Variants in BCL9L observed in about 807,000 individuals in gnomAD.
The protein encoded by BCL9L is B-cell CLL/lymphoma 9-like protein.
BCL9L carries 19 observed loss-of-function variants against 99.4 expected under a neutral mutation model. That is an observed-to-expected ratio of 0.19 (90% CI 0.13 to 0.28). The LOEUF (loss-of-function observed/expected upper bound fraction) is 0.28, where lower values mean the gene tolerates loss of function less well. BCL9L is among the 10% of genes least tolerant of loss of function. The pLI, the probability that BCL9L is intolerant of heterozygous loss-of-function variation, is 1.00. For missense variants in BCL9L, 2,023 were observed against 2,101.6 expected (o/e 0.96, Z 0.73); for synonymous variants, 900 against 854.8 (o/e 1.05, Z -0.92).
Position 118,902,544 on chromosome 11 carries a change from G to T in BCL9L, c.1199C>A (p.Ser400Tyr). 1 of 1,602,954 alleles carries T rather than the reference G, an allele frequency of 6.2e-7. No homozygotes were observed. The highest frequency in any genetic ancestry group is 1.1e-5 in the South Asian group (1 of 91,086). ...TTCCCGATGCTCCAGCTGCTCTTTG[G>T]ACAAGCCCTCTGAGCCCACCAGGCT... ...QRSLVGSEGLSKEQLEHRERS... is the reference protein window; with the variant it reads ...QRSLVGSEGLYKEQLEHRERS... Residue 400 changes from serine to tyrosine, a missense_variant, in exon 8 of 10, where the codon TCC (serine) becomes TAC (tyrosine). Ser to Tyr is a moderately radical substitution (Grantham distance 144). Coordinates refer to ENST00000683865, the MANE Select transcript of BCL9L (RefSeq NM_001378213.1). This position sits in a 1 kb window ranked among gnomAD's most constrained non-coding sequence, Gnocchi z 7.8.
intron 1 of BCL9L, among the ~76,000 whole-genome samples, chr11:118,919,239 A>C: frequency 6.6e-6 from 1 of 151,158 alleles, no homozygotes; most frequent in Non-Finnish European, 1.5e-5. Flanking sequence ...GGAGAGGCAG[A>C]GGACTCCCAT....
chr11:118,912,149 C>T (rs563792768), intron 2 of BCL9L, among the ~76,000 whole-genome samples: 18 of 152,244 alleles, frequency 1.2e-4, no homozygotes, highest in Non-Finnish European at 1.6e-4. Context: ...GACCCCTCCT[C>T]CTCCACACAC....
intron 1 of BCL9L, among the ~76,000 whole-genome samples, chr11:118,924,013 C>A (rs936622167): frequency 6.6e-6 from 1 of 152,144 alleles, no homozygotes; most frequent in African/African-American, 2.4e-5. Flanking sequence ...GTAGCCCGGC[C>A]CATGCTGAGA....
rs776337779 is a variant in BCL9L, at chr11:118,922,765, C to T, written c.-131+2473G>A. Among the ~76,000 whole-genome samples the T allele has an allele frequency of 2.0e-5, 3 of 152,158 alleles. No individual in the cohort carries two copies. Among genetic ancestry groups the T allele is most frequent in the Non-Finnish European group, 2.9e-5 (2 of 68,016 alleles). ...ACAAGGAAGGAAGGGATGCCATTCC[C>T]CTGTCACCCCTGGGTGCCCAGGCTC... On this transcript the variant is annotated intron_variant, in intron 1 of 9. Transcript: ENST00000683865. The surrounding 1 kb of genome is among the most constrained non-coding windows in gnomAD (Gnocchi z 6.2).
In BCL9L at chr11:118,898,294, G is replaced by GGCCCCCA; in HGVS notation, c.*120_*121insTGGGGGC. On this transcript the variant is annotated 3_prime_UTR_variant, in exon 10 of 10. Transcript: ENST00000683865. ...TCCACAAATGCCACTCCCTACACAAGCCCCCTCCCACCCCCTCCACCCCAC... is the reference window on the plus strand; with the variant it reads ...TCCACAAATGCCACTCCCTACACAAGGCCCCCACCCCCTCCCACCCCCTCCACCCCAC... 2 of 452,312 alleles carry GGCCCCCA rather than the reference G, an allele frequency of 4.4e-6. No individual in the cohort carries two copies. Among genetic ancestry groups the GGCCCCCA allele is most frequent in the Non-Finnish European group, 8.2e-6 (2 of 244,762 alleles). The allele number at this position is 452,312 out of a possible 1,614,324, so 28.0% of individuals were successfully genotyped here. A position where few individuals can be genotyped will look rare whatever the true frequency, so the allele number is the denominator to read the frequency against.
In BCL9L at chr11:118,898,294, G is replaced by GGGCCCCCCCC; in HGVS notation, c.*120_*121insGGGGGGGGCC. On this transcript the variant is annotated 3_prime_UTR_variant, in exon 10 of 10. Coordinates refer to ENST00000683865, the MANE Select transcript of BCL9L (RefSeq NM_001378213.1). The stretch of plus-strand genomic sequence containing the variant: ...TCCACAAATGCCACTCCCTACACAA[G>GGGCCCCCCCC]CCCCCTCCCACCCCCTCCACCCCAC... 2.2e-6 allele frequency: 1 copy of GGGCCCCCCCC among 452,312 alleles called. No individual in the cohort carries two copies. The highest frequency in any genetic ancestry group is 4.1e-6 in the Non-Finnish European group (1 of 244,762). The allele number at this position is 452,312 out of a possible 1,614,324, so 28.0% of individuals were successfully genotyped here. A position where few individuals can be genotyped will look rare whatever the true frequency, so the allele number is the denominator to read the frequency against.
chr11:118,924,585 A>G (rs1941233600), intron 1 of BCL9L, among the ~76,000 whole-genome samples: 1 of 152,038 alleles, frequency 6.6e-6, no homozygotes, highest in South Asian at 2.1e-4. Flanking sequence ...GCGCAACAAG[A>G]AGCCTAAGCT....
chr11:118,899,016 C>T lies in BCL9L; in HGVS notation c.3899G>A (p.Gly1300Glu). The T allele has an allele frequency of 6.2e-7, 1 of 1,613,784 alleles. No individual in the cohort carries two copies. The stretch of plus-strand genomic sequence containing the variant: ...GGGGTCGTTCAGCACTGATGCCACC[C>T]CAGGGAGCACACCCGGTGGGTATGC... ...GDAYPPGVLP[G>E]VASVLNDPEL... Residue 1300 changes from glycine (G) to glutamate (E), a missense_variant, in exon 10 of 10, where the codon GGG becomes GAG. This residue lies in a region of BCL9L where 902 missense variants were observed against 888.2 expected (regional missense o/e 1.02). Transcript: ENST00000683865.
In BCL9L at chr11:118,902,558, G is replaced by C. The variant is rs748941647; in HGVS notation, c.1185C>G (p.Gly395=). ...APGNGQRSLV[G]SEGLSKEQLE... Reference sequence around the variant, plus strand: ...GCTGCTCTTTGGACAAGCCCTCTGAGCCCACCAGGCTGCGCTGCCCATTTC... The same window carrying C: ...GCTGCTCTTTGGACAAGCCCTCTGACCCCACCAGGCTGCGCTGCCCATTTC... Residue 395 remains glycine (G), a synonymous_variant, in exon 8 of 10, where the codon GGC becomes GGG. Coordinates refer to ENST00000683865, the MANE Select transcript of BCL9L (RefSeq NM_001378213.1). This position sits in a 1 kb window ranked among gnomAD's most constrained non-coding sequence, Gnocchi z 7.8. 11 of 1,601,724 alleles carry C rather than the reference G, an allele frequency of 6.9e-6. No homozygotes were observed. The South Asian group carries it at 1.2e-4, about 18-fold the overall frequency.
At chr11:118,906,652 T>C (rs1591987506) in intron 5 of BCL9L, among the ~76,000 whole-genome samples, 2 of 152,250 alleles carry the variant, frequency 1.3e-5, no homozygotes, top group Admixed American at 1.3e-4. Context: ...CTGGCTAGTT[T>C]CTTTTTCTTC....
Position 118,905,819 on chromosome 11 carries a change from A to AAAATAAAT in BCL9L, c.532+1656_532+1663dup, listed in dbSNP as rs149714418. Among the ~76,000 whole-genome samples the AAAATAAAT allele has an allele frequency of 1.8e-3, 270 of 152,198 alleles. 1 individual carries two copies. The highest frequency in any genetic ancestry group is 4.8e-3 in the Admixed American group (73 of 15,296). The stretch of plus-strand genomic sequence containing the variant: ...GCAACAAGAGTGAAACTCCGATTCA[A>AAAATAAAT]AAATAAATAAATAAATAAATAAATA... On this transcript the variant is annotated intron_variant, in intron 5 of 9. Transcript: ENST00000683865.
chr11:118,897,773 A>G lies in BCL9L; in HGVS notation c.*642T>C, dbSNP rs1256237664. 1 of 451,662 alleles carries G rather than the reference A, an allele frequency of 2.2e-6. No homozygotes were observed. The highest frequency in any genetic ancestry group is 1.6e-5 in the South Asian group (1 of 64,008). 28.0% of individuals were successfully genotyped at this position (451,662 alleles called of 1,614,324 possible). A position where few individuals can be genotyped will look rare whatever the true frequency, so the allele number is the denominator to read the frequency against. ...TCTTTTATCCTTTTTTTTTTGTGTG[A>G]CTTCTATCAAAACACAGAAATACAG... On this transcript the variant is annotated 3_prime_UTR_variant, in exon 10 of 10. Coordinates refer to ENST00000683865, the MANE Select transcript of BCL9L (RefSeq NM_001378213.1).
rs764095250 is a variant in BCL9L at position 118,897,823 on chromosome 11, C to T, written c.*592G>A. On this transcript the variant is annotated 3_prime_UTR_variant, in exon 10 of 10. Coordinates refer to ENST00000683865, the MANE Select transcript of BCL9L (RefSeq NM_001378213.1). ...GCACACGCACAAACCAGCACAAAAG[C>T]GCAGCGCTCTATTTACAGCTCCGGC... 3.5e-5 allele frequency: 16 copies of T among 456,442 alleles called. No homozygotes were observed. Among genetic ancestry groups the T allele is most frequent in the East Asian group, 6.9e-5 (1 of 14,396 alleles). 28.3% of individuals were successfully genotyped at this position (456,442 alleles called of 1,614,324 possible). A position where few individuals can be genotyped will look rare whatever the true frequency, so the allele number is the denominator to read the frequency against.
rs1234237750 is a variant in BCL9L, at chr11:118,897,841, G to A, written c.*574C>T. 1 of 456,730 alleles carries A rather than the reference G, an allele frequency of 2.2e-6. No individual in the cohort carries two copies. Among genetic ancestry groups the A allele is most frequent in the African/African-American group, 2.0e-5 (1 of 50,090 alleles). The allele number at this position is 456,730 out of a possible 1,614,324, so 28.3% of individuals were successfully genotyped here. ...ACAAAAGCGCAGCGCTCTATTTACA[G>A]CTCCGGCTGGCACCTGCCCACCTGG... On this transcript the variant is annotated 3_prime_UTR_variant, in exon 10 of 10. Coordinates refer to ENST00000683865, the MANE Select transcript of BCL9L (RefSeq NM_001378213.1).
At chr11:118,909,853 T>A in intron 3 of BCL9L, 61 bp downstream of exon 3, 1 of 1,612,530 alleles carries the variant, frequency 6.2e-7, no homozygotes, top group Non-Finnish European at 8.5e-7. Context: ...CCATCACCAC[T>A]GGGCCCTTCC....
At chr11:118,920,157 T>C (rs1029346368) in intron 1 of BCL9L, among the ~76,000 whole-genome samples, 1 of 152,146 alleles carries the variant, frequency 6.6e-6, no homozygotes, top group African/African-American at 2.4e-5. Flanking sequence ...CACAAGTGCT[T>C]CTGGAGAAAT....
chr11:118,921,703 G>A lies in BCL9L; in HGVS notation c.-130-2824C>T, dbSNP rs1306726869. Among the ~76,000 whole-genome samples, 1 of 152,150 alleles carries A rather than the reference G, an allele frequency of 6.6e-6. No homozygotes were observed. Among genetic ancestry groups the A allele is most frequent in the African/African-American group, 2.4e-5 (1 of 41,422 alleles). ...GAGGCCTCTGCTTTTGCCACTGACA[G>A]GAAAAGTGAGAAGGCAGGGGAAGCC... On this transcript the variant is annotated intron_variant, in intron 1 of 9. Transcript: ENST00000683865. The surrounding 1 kb of genome is among the most constrained non-coding windows in gnomAD (Gnocchi z 5.4).
chr11:118,897,860 C>T lies in BCL9L; in HGVS notation c.*555G>A. The T allele has an allele frequency of 2.2e-6, 1 of 457,118 alleles. No homozygotes were observed. Among genetic ancestry groups the T allele is most frequent in the South Asian group, 1.5e-5 (1 of 64,546 alleles). 28.3% of individuals were successfully genotyped at this position (457,118 alleles called of 1,614,324 possible). The stretch of plus-strand genomic sequence containing the variant: ...TTTACAGCTCCGGCTGGCACCTGCC[C>T]ACCTGGCCAGCCGCCTGCAGGGAGG... On this transcript the variant is annotated 3_prime_UTR_variant, in exon 10 of 10. Transcript: ENST00000683865.
intron 3 of BCL9L, among the ~76,000 whole-genome samples, chr11:118,908,928 G>C (rs1362049957): frequency 1.3e-5 from 2 of 152,156 alleles, no homozygotes; most frequent in African/African-American, 4.8e-5. Context: ...AGAGTTGGCA[G>C]AATTCACCCA....
Sources: gnomAD v4.1 joint callset for allele counts (sites outside exome capture counted in the v4.1 genomes callset) on GRCh38, gnomAD v4.1.1 for gene constraint, gnomAD v4.1.1 regional missense constraint, Gnocchi (gnomAD v3.1) non-coding constraint, MANE v1.5 for transcripts, NCBI Gene and HGNC (gene_info 2026-07-23, HGNC 2026-07-21) for gene names.